MARCHF3: variants seen among roughly 807,000 people sequenced by gnomAD.
MARCHF3 encodes E3 ubiquitin-protein ligase MARCHF3.
A neutral mutation model predicts 24.2 loss-of-function variants in MARCHF3; 13 were observed. That is an observed-to-expected ratio of 0.54 (90% CI 0.35 to 0.85). The LOEUF is 0.85. Ranked by LOEUF, MARCHF3 falls within the 40% of genes least tolerant of loss-of-function variation. The probability of loss-of-function intolerance (pLI) is 0.01; values close to 1 mark genes in which losing one functional copy is unlikely to be tolerated. For synonymous variants in MARCHF3, 144 were observed against 137.3 expected (o/e 1.05, Z -0.34); for missense variants, 276 against 325.0 (o/e 0.85, Z 1.16).
At chr5:127,000,821 C>G (rs1752104430) in intron 1 of MARCHF3, among the ~76,000 whole-genome samples, 1 of 152,060 alleles carries the variant, frequency 6.6e-6, no homozygotes, top group Non-Finnish European at 1.5e-5. Context: ...CGCCCGCCAC[C>G]ACGCCCGGCT....
chr5:126,945,888 T>A lies in MARCHF3; in HGVS notation c.-56-27661A>T, dbSNP rs1043362944. Among the ~76,000 whole-genome samples the A allele has an allele frequency of 2.0e-5, 3 of 152,208 alleles. No homozygotes were observed. The South Asian group carries it at 6.2e-4, about 32-fold the overall frequency. On this transcript the variant is annotated intron_variant, in intron 1 of 4. Transcript: ENST00000308660. ...AGCACAATGTTTGGCTCATCAGAGT[T>A]GCTTCAGAGATGTCCAAGCACAGAC...
At chr5:126,874,934 G>C (rs189825511) in intron 4 of MARCHF3, among the ~76,000 whole-genome samples, 7 of 152,248 alleles carry the variant, frequency 4.6e-5, no homozygotes, top group Admixed American at 4.6e-4. Context: ...CAAACCTTGG[G>C]ACTGGGAGTC....
intron 3 of MARCHF3, among the ~76,000 whole-genome samples, chr5:126,880,033 CAA>C (rs1399604624): frequency 6.6e-6 from 1 of 151,820 alleles, no homozygotes; most frequent in Admixed American, 6.6e-5. Flanking sequence ...ATGGGTGAGA[CAA>C]GAGTGGGTGG....
chr5:126,892,574 T>C (rs1753734254), intron 3 of MARCHF3, among the ~76,000 whole-genome samples: 1 of 149,698 alleles, frequency 6.7e-6, no homozygotes, highest in Non-Finnish European at 1.5e-5. Flanking sequence ...TGGCTCTGTT[T>C]ATATGCTGGA....
At chr5:126,904,461 C>T (rs1366019453) in intron 3 of MARCHF3, among the ~76,000 whole-genome samples, 2 of 147,676 alleles carry the variant, frequency 1.4e-5, no homozygotes, top group African/African-American at 5.1e-5. Context: ...TTCTCCACAT[C>T]CTCTCCAGCA....
intron 3 of MARCHF3, among the ~76,000 whole-genome samples, chr5:126,904,086 A>G (rs1754201023): frequency 6.6e-6 from 1 of 150,626 alleles, no homozygotes; most frequent in South Asian, 2.1e-4. Context: ...TTCTTGCGAT[A>G]GTTTACTGAG....
chr5:126,964,865 A>G (rs1011133611), intron 1 of MARCHF3, among the ~76,000 whole-genome samples: 1 of 152,200 alleles, frequency 6.6e-6, no homozygotes, highest in Non-Finnish European at 1.5e-5. Flanking sequence ...GAGCAAGACT[A>G]GACCCTGGTG....
chr5:126,994,459 G>T (rs986777974), intron 1 of MARCHF3, among the ~76,000 whole-genome samples: 8 of 152,162 alleles, frequency 5.3e-5, no homozygotes, highest in African/African-American at 1.4e-4. Flanking sequence ...GTATGCATTT[G>T]TCAAAATGTA....
chr5:126,945,953 G>T (rs1388188847), intron 1 of MARCHF3, among the ~76,000 whole-genome samples: 1 of 152,200 alleles, frequency 6.6e-6, no homozygotes, highest in South Asian at 2.1e-4. Context: ...CTGTAGTGGA[G>T]GGGTGGTGTT....
chr5:127,009,522 G>A (rs1379388555), intron 1 of MARCHF3, among the ~76,000 whole-genome samples: 1 of 152,014 alleles, frequency 6.6e-6, no homozygotes, highest in African/African-American at 2.4e-5. Flanking sequence ...TTTTATTTGT[G>A]CTACTTCTTT....
chr5:126,909,553 G>A (rs549082917), intron 3 of MARCHF3, among the ~76,000 whole-genome samples: 6 of 152,272 alleles, frequency 3.9e-5, no homozygotes, highest in Non-Finnish European at 7.4e-5. Flanking sequence ...TCGGAAAATC[G>A]CAGTATTCGG....
intron 1 of MARCHF3, among the ~76,000 whole-genome samples, chr5:127,006,922 T>C (rs1341846170): frequency 2.0e-5 from 3 of 152,198 alleles, no homozygotes; most frequent in Admixed American, 6.5e-5. Context: ...AATGAATTTA[T>C]GTCTTGTAAC....
At chr5:126,922,267 T>G (rs1284726228) in intron 1 of MARCHF3, among the ~76,000 whole-genome samples, 1 of 152,206 alleles carries the variant, frequency 6.6e-6, no homozygotes, top group African/African-American at 2.4e-5. Context: ...TCTGGCTTTC[T>G]ACTCACCAAG....
chr5:127,008,137 T>G (rs1264553606), intron 1 of MARCHF3, among the ~76,000 whole-genome samples: 1 of 152,132 alleles, frequency 6.6e-6, no homozygotes, highest in Non-Finnish European at 1.5e-5. Context: ...TGCATTGAAG[T>G]TGTAGTATTT....
At chr5:126,950,285 A>C (rs1352500274) in intron 1 of MARCHF3, among the ~76,000 whole-genome samples, 1 of 152,174 alleles carries the variant, frequency 6.6e-6, no homozygotes, top group African/African-American at 2.4e-5. Context: ...TCTTACCTTA[A>C]ATTCATGACC....
intron 1 of MARCHF3, among the ~76,000 whole-genome samples, chr5:126,956,836 G>A (rs543277126): frequency 5.9e-5 from 9 of 152,198 alleles, no homozygotes; most frequent in African/African-American, 1.9e-4. Flanking sequence ...GTAGTTGAAC[G>A]AAACTGCCCA....
chr5:126,989,903 C>G (rs1354177102), intron 1 of MARCHF3, among the ~76,000 whole-genome samples: 1 of 152,126 alleles, frequency 6.6e-6, no homozygotes, highest in Non-Finnish European at 1.5e-5. Context: ...GTGGGCAGAT[C>G]ACCTGAAGTC....
At chr5:126,886,004 A>G (rs928959513) in intron 3 of MARCHF3, among the ~76,000 whole-genome samples, 1 of 150,854 alleles carries the variant, frequency 6.6e-6, no homozygotes, top group Admixed American at 6.6e-5. Context: ...ATATATATAT[A>G]TATAATTTTT....
intron 3 of MARCHF3, among the ~76,000 whole-genome samples, chr5:126,893,512 A>G (rs1204680650): frequency 6.6e-6 from 1 of 151,958 alleles, no homozygotes; most frequent in East Asian, 1.9e-4. Context: ...TTGGTTTCAA[A>G]GAACATCTTT....
Sources: gnomAD v4.1 joint callset for allele counts (sites outside exome capture counted in the v4.1 genomes callset) on GRCh38, gnomAD v4.1.1 for gene constraint, MANE v1.5 for transcripts, NCBI Gene and HGNC (gene_info 2026-07-23, HGNC 2026-07-21) for gene names.